The following IGF1R variants were observed in gnomAD, a reference collection of about 807,000 sequenced individuals.
The protein encoded by IGF1R is insulin-like growth factor 1 receptor.
IGF1R carries 44 observed loss-of-function variants against 144.6 expected under a neutral mutation model. That is an observed-to-expected ratio of 0.30 (90% CI 0.24 to 0.39). The LOEUF is 0.39. Among genes scored for constraint, IGF1R ranks in the 10% least tolerant of loss-of-function variants. The pLI, the probability that IGF1R is intolerant of heterozygous loss-of-function variation, is 1.00. For missense variants in IGF1R, 1,355 were observed against 1,833.7 expected (o/e 0.74, Z 4.77); for synonymous variants, 795 against 722.8 (o/e 1.10, Z -1.60).
chr15:98,835,603 C>T, intron 2 of IGF1R, among the ~76,000 whole-genome samples: 1 of 152,156 alleles, frequency 6.6e-6, no homozygotes, highest in East Asian at 1.9e-4. Flanking sequence ...CACAGCAGGT[C>T]AAAGAGTAGG....
chr15:98,863,527 A>C (rs2012271775), intron 2 of IGF1R, among the ~76,000 whole-genome samples: 1 of 152,044 alleles, frequency 6.6e-6, no homozygotes. Context: ...ATTGGATTCT[A>C]CTCTCAGGAT....
At chr15:98,807,877 T>C (rs530838024) in intron 2 of IGF1R, among the ~76,000 whole-genome samples, 1 of 152,388 alleles carries the variant, frequency 6.6e-6, no homozygotes, top group South Asian at 2.1e-4. Context: ...TGTAAGATAA[T>C]AGTAATTTTC....
At chr15:98,698,551 C>T (rs2053651680) in intron 1 of IGF1R, among the ~76,000 whole-genome samples, 1 of 152,220 alleles carries the variant, frequency 6.6e-6, no homozygotes, top group Non-Finnish European at 1.5e-5. Context: ...AGGATTTCTC[C>T]TTTTGTGACT....
At chr15:98,709,907 G>T (rs2053952975) in intron 2 of IGF1R, among the ~76,000 whole-genome samples, 1 of 152,138 alleles carries the variant, frequency 6.6e-6, no homozygotes. Flanking sequence ...TAGGTTTTTG[G>T]CTGTTTCTGA....
At chr15:98,847,796 C>T (rs1007029500) in intron 2 of IGF1R, among the ~76,000 whole-genome samples, 3 of 152,136 alleles carry the variant, frequency 2.0e-5, no homozygotes, top group Non-Finnish European at 4.4e-5. Context: ...TTTTAGGAGA[C>T]ATACTGAGAT....
intron 2 of IGF1R, among the ~76,000 whole-genome samples, chr15:98,790,913 T>C (rs1596307483): frequency 6.6e-6 from 1 of 152,192 alleles, no homozygotes; most frequent in African/African-American, 2.4e-5. Context: ...GAAAGTGACG[T>C]TGGTTAATCA....
chr15:98,948,952 A>G lies in IGF1R; in HGVS notation c.3722+244A>G, dbSNP rs45447298. On this transcript the variant is annotated intron_variant, in intron 20 of 20. Coordinates refer to ENST00000650285, the MANE Select transcript of IGF1R (RefSeq NM_000875.5). The stretch of plus-strand genomic sequence containing the variant: ...GCTTTCGTTCCGATTTGCAGTTCAC[A>G]CTGTAGTTTCTCAGGCCAAATGTCT... Among the ~76,000 whole-genome samples, 568 of 152,330 alleles carry G rather than the reference A, an allele frequency of 3.7e-3. 1 individual carries two copies. Among genetic ancestry groups the G allele is most frequent in the African/African-American group, 0.013 (527 of 41,562 alleles).
intron 2 of IGF1R, among the ~76,000 whole-genome samples, chr15:98,871,728 A>G (rs57194228): frequency 0.13 from 20,150 of 152,218 alleles, 1,784 homozygotes; most frequent in East Asian, 0.39. Flanking sequence ...CTTGTGAGAC[A>G]TATTAACTAA....
intron 1 of IGF1R, among the ~76,000 whole-genome samples, chr15:98,677,981 T>G (rs1398606645): frequency 6.6e-6 from 1 of 152,218 alleles, no homozygotes; most frequent in African/African-American, 2.4e-5. Context: ...TTTGTCTATA[T>G]TAATGATAAT....
chr15:98,952,303 A>ACACACACAC (rs2016808542), intron 20 of IGF1R, among the ~76,000 whole-genome samples: 2 of 146,572 alleles, frequency 1.4e-5, no homozygotes, highest in Non-Finnish European at 3.0e-5. Context: ...GTACCCCACC[A>ACACACACAC]ACACACACAC....
rs1042198422 is a variant in IGF1R, at chr15:98,876,660, A to C, written c.641-14665A>C. Among the ~76,000 whole-genome samples, 14 of 152,220 alleles carry C rather than the reference A, an allele frequency of 9.2e-5. 1 individual carries two copies. Among genetic ancestry groups the C allele is most frequent in the Admixed American group, 9.2e-4 (14 of 15,286 alleles). On this transcript the variant is annotated intron_variant, in intron 2 of 20. Transcript: ENST00000650285. ...AGAACATTCCAAAGATGATAGTTTTACATTTGTATGTTTTTTTCCGAGGCA... is the reference window on the plus strand; with the variant it reads ...AGAACATTCCAAAGATGATAGTTTTCCATTTGTATGTTTTTTTCCGAGGCA...
intron 2 of IGF1R, among the ~76,000 whole-genome samples, chr15:98,790,498 A>AG (rs2056105152): frequency 6.6e-6 from 1 of 152,122 alleles, no homozygotes; most frequent in Non-Finnish European, 1.5e-5. Flanking sequence ...GCGGGGGAGC[A>AG]GGGGAGATGG....
intron 2 of IGF1R, among the ~76,000 whole-genome samples, chr15:98,804,778 A>T (rs778359330): frequency 1.3e-5 from 2 of 152,122 alleles, no homozygotes; most frequent in African/African-American, 4.8e-5. Flanking sequence ...GCTCACTGCA[A>T]CCTCCACATC....
chr15:98,722,502 G>T (rs975331826), intron 2 of IGF1R, among the ~76,000 whole-genome samples: 30 of 152,180 alleles, frequency 2.0e-4, no homozygotes, highest in Non-Finnish European at 3.4e-4. Flanking sequence ...GGTCTGAATG[G>T]TGGTTTAGGT....
chr15:98,888,870 C>CA (rs1388810316), intron 2 of IGF1R, among the ~76,000 whole-genome samples: 1 of 152,224 alleles, frequency 6.6e-6, no homozygotes, highest in Non-Finnish European at 1.5e-5. Flanking sequence ...GCCCCACTCT[C>CA]ATAAGGGACT....
chr15:98,947,217 C>A (rs968410149), intron 19 of IGF1R, among the ~76,000 whole-genome samples: 1 of 152,252 alleles, frequency 6.6e-6, no homozygotes, highest in Non-Finnish European at 1.5e-5. Context: ...TTGGGTTGGT[C>A]TGTCCTCTGA....
intron 2 of IGF1R, among the ~76,000 whole-genome samples, chr15:98,828,936 G>A (rs187189222): frequency 1.3e-5 from 2 of 152,104 alleles, no homozygotes; most frequent in East Asian, 1.9e-4. Flanking sequence ...TTGATGCTAC[G>A]TGAACTACTT....
At position 98,957,246 on chromosome 15, in the gene IGF1R, T is replaced by TC; in HGVS notation, c.3913dup (p.Leu1305ProfsTer69). 1 of 1,613,942 alleles carries TC rather than the reference T, an allele frequency of 6.2e-7. No homozygotes were observed. Among genetic ancestry groups the TC allele is most frequent in the Non-Finnish European group, 8.5e-7 (1 of 1,179,992 alleles). ...CTGGAGCCAGAGAACATGGAGAGCGTCCCCCTGGACCCCTCGGCCTCCTCG... is the reference window on the plus strand; with the variant it reads ...CTGGAGCCAGAGAACATGGAGAGCGTCCCCCCTGGACCCCTCGGCCTCCTCG... On this transcript the variant is annotated frameshift_variant, in exon 21 of 21. Transcript: ENST00000650285. LOFTEE classifies it high-confidence loss of function.
chr15:98,943,952 T>C (rs141293218), intron 19 of IGF1R, among the ~76,000 whole-genome samples: 1 of 152,266 alleles, frequency 6.6e-6, no homozygotes, highest in East Asian at 1.9e-4. Flanking sequence ...CAGGTGCAAA[T>C]TGGAAATAGC....
Sources: gnomAD v4.1 joint callset for allele counts (sites outside exome capture counted in the v4.1 genomes callset) on GRCh38, gnomAD v4.1.1 for gene constraint, MANE v1.5 for transcripts, NCBI Gene and HGNC (gene_info 2026-07-23, HGNC 2026-07-21) for gene names.